The following MICAL3 variants were observed in gnomAD, a reference collection of about 807,000 sequenced individuals.
MICAL3 encodes the protein microtubule associated monooxygenase, calponin and LIM domain containing 3.
Under a neutral mutation model 207.4 loss-of-function variants are expected in MICAL3, and 62 were observed. The ratio of observed to expected loss-of-function variants is 0.30; its 90% CI spans 0.24 to 0.37. The LOEUF (loss-of-function observed/expected upper bound fraction) is 0.37. MICAL3 is among the 10% of genes least tolerant of loss of function. The probability of loss-of-function intolerance (pLI) is 1.00; values close to 1 mark genes in which losing one functional copy is unlikely to be tolerated. For synonymous variants in MICAL3, 1,077 were observed against 1,069.3 expected (o/e 1.01, Z -0.14); for missense variants, 2,368 against 2,635.6 (o/e 0.90, Z 2.22).
At chr22:17,826,882 A>AG (rs35494230) in intron 22 of MICAL3, among the ~76,000 whole-genome samples, 44,033 of 151,856 alleles carry the variant, frequency 0.29, 6,740 homozygotes, top group Non-Finnish European at 0.34. Flanking sequence ...ACGTCTTATT[A>AG]ATGCTGTTTT....
rs543884452 is a variant in MICAL3 at position 17,914,350 on chromosome 22, G to C, written c.-74-7464C>G. On this transcript the variant is annotated intron_variant, in intron 1 of 31. Transcript: ENST00000441493. ...TTAAACAAGACAGATAGAAGATACT[G>C]AGTCGTTACTACTCGGTGCCACATC... Among the ~76,000 whole-genome samples the C allele has an allele frequency of 3.9e-5, 6 of 152,274 alleles. No homozygotes were observed. The South Asian group carries it at 1.0e-3, about 26-fold the overall frequency.
At chr22:17,889,828 T>C (rs913847502) in intron 12 of MICAL3, among the ~76,000 whole-genome samples, 3 of 152,094 alleles carry the variant, frequency 2.0e-5, no homozygotes, top group Non-Finnish European at 4.4e-5. Context: ...TAAAAAATAA[T>C]AGGAACTATC....
At chr22:17,918,568 A>G (rs1284197333) in intron 1 of MICAL3, among the ~76,000 whole-genome samples, 1 of 152,044 alleles carries the variant, frequency 6.6e-6, no homozygotes, top group Non-Finnish European at 1.5e-5. Context: ...TGGGCAAACG[A>G]GGGTGGGAAA....
intron 1 of MICAL3, among the ~76,000 whole-genome samples, chr22:17,944,715 C>A (rs1055519717): frequency 1.3e-5 from 2 of 152,144 alleles, no homozygotes; most frequent in Non-Finnish European, 2.9e-5. Flanking sequence ...CAGGGGAAAG[C>A]AGGTGGGAGA....
chr22:17,866,723 C>T (rs928751813), intron 17 of MICAL3, among the ~76,000 whole-genome samples: 58 of 152,032 alleles, frequency 3.8e-4, no homozygotes, highest in African/African-American at 1.3e-3. Flanking sequence ...GAGAATAAAA[C>T]GTTATTTCTT....
At chr22:18,006,799 CT>C (rs1304358252) in intron 1 of MICAL3, among the ~76,000 whole-genome samples, 1 of 152,202 alleles carries the variant, frequency 6.6e-6, no homozygotes, top group African/African-American at 2.4e-5. Flanking sequence ...TGCCATTGCA[CT>C]CCAGCGTGGG....
In MICAL3 at chr22:17,887,416, G is replaced by A. The variant is rs115325382; in HGVS notation, c.1911C>T (p.Ala637=). 1.9e-3 allele frequency: 3,046 copies of A among 1,613,376 alleles called. 51 individuals carry two copies. The African/African-American group carries it at 0.035, about 19-fold the overall frequency. The change falls in exon 14 of 32, where the codon GCC becomes GCT. Residue 637 remains alanine, a synonymous_variant. Transcript: ENST00000441493. ...LPSSDTLDLN[A]EEKAVLIAST... is the part of the protein sequence containing the mutation. Reference sequence around the variant, plus strand: ...TGGCTATCAGGACTGCTTTCTCCTCGGCATTTAGGTCCAAGGTGTCTGGGA... The same window carrying A: ...TGGCTATCAGGACTGCTTTCTCCTCAGCATTTAGGTCCAAGGTGTCTGGGA...
chr22:17,791,049 C>A lies in MICAL3; in HGVS notation c.5773G>T (p.Asp1925Tyr). 2 of 1,612,076 alleles carry A rather than the reference C, an allele frequency of 1.2e-6. No individual in the cohort carries two copies. The highest frequency in any genetic ancestry group is 1.7e-6 in the Non-Finnish European group (2 of 1,179,784). The change falls in exon 31 of 32, where the codon GAC becomes TAC. Residue 1925 changes from aspartate to tyrosine, a missense_variant. This residue lies in a region of MICAL3 where 1,770 missense variants were observed against 1,863.2 expected (regional missense o/e 0.95). Coordinates refer to ENST00000441493, the MANE Select transcript of MICAL3 (RefSeq NM_015241.3). The stretch of plus-strand genomic sequence containing the variant: ...TCCTGCTGCAGTCGACTCTGCCGGT[C>A]TTCCAGCTCCAGCTCCCGGGCACTG... ...MIFARELELE[D>Y]RQSRLQQELR...
At chr22:17,934,302 C>T (rs1316670660) in intron 1 of MICAL3, among the ~76,000 whole-genome samples, 3 of 152,196 alleles carry the variant, frequency 2.0e-5, no homozygotes, top group African/African-American at 4.8e-5. Context: ...GCTGGTTCAA[C>T]ATATGCAAAT....
At chr22:17,970,786 A>G (rs894083135) in intron 1 of MICAL3, among the ~76,000 whole-genome samples, 2 of 144,452 alleles carry the variant, frequency 1.4e-5, no homozygotes, top group Non-Finnish European at 3.1e-5. Context: ...AAATTTTTTT[A>G]TCTGTTACGT....
chr22:17,852,873 A>G (rs1925484266), intron 19 of MICAL3, among the ~76,000 whole-genome samples: 1 of 152,192 alleles, frequency 6.6e-6, no homozygotes, highest in Non-Finnish European at 1.5e-5. Context: ...TCAGGAGTTC[A>G]AGACCAGCCT....
At chr22:17,889,590 G>C (rs1034773179) in intron 12 of MICAL3, among the ~76,000 whole-genome samples, 6 of 152,142 alleles carry the variant, frequency 3.9e-5, no homozygotes, top group African/African-American at 1.4e-4. Context: ...ACTTTGGAAG[G>C]GTGAGGCAGG....
At chr22:17,823,313 TG>T (rs1921847728) in intron 22 of MICAL3, among the ~76,000 whole-genome samples, 1 of 152,002 alleles carries the variant, frequency 6.6e-6, no homozygotes. Flanking sequence ...CGGCTGAAGG[TG>T]GGGGCATTGT....
chr22:17,808,222 C>A (rs372143245), intron 29 of MICAL3, among the ~76,000 whole-genome samples: 2 of 152,246 alleles, frequency 1.3e-5, no homozygotes, highest in Non-Finnish European at 2.9e-5. Context: ...GCAGCAGTCA[C>A]GAGCACAGGG....
At chr22:17,971,882 C>T (rs1487214376) in intron 1 of MICAL3, among the ~76,000 whole-genome samples, 1 of 152,182 alleles carries the variant, frequency 6.6e-6, no homozygotes, top group Admixed American at 6.5e-5. Flanking sequence ...AGCACACGTG[C>T]ACCGGCACAG....
chr22:17,846,274 G>A (rs191631062), intron 19 of MICAL3, among the ~76,000 whole-genome samples: 1 of 152,282 alleles, frequency 6.6e-6, no homozygotes, highest in African/African-American at 2.4e-5. Context: ...CCATTGCCGG[G>A]GGTTCAGTGT....
chr22:17,985,372 C>T (rs1001187595), intron 1 of MICAL3, among the ~76,000 whole-genome samples: 1 of 152,092 alleles, frequency 6.6e-6, no homozygotes, highest in Non-Finnish European at 1.5e-5. Flanking sequence ...GAGCCCGTAA[C>T]CTCTACTCCC....
rs1227020290 is a variant in MICAL3, at chr22:17,896,844, C to T, written c.1086G>A (p.Gly362=). The T allele has an allele frequency of 1.2e-6, 2 of 1,614,144 alleles. No individual in the cohort carries two copies. Among genetic ancestry groups the T allele is most frequent in the Non-Finnish European group, 1.7e-6 (2 of 1,180,032 alleles). The part of the protein sequence containing the change: ...PSLDFAINHY[G]QPDVAMFDFT... ...AGTCAAACATGGCCACATCGGGCTG[C>T]CCATAGTGATTGATGGCAAAATCCA... Residue 362 remains glycine (G), a synonymous_variant, in exon 8 of 32, where the codon GGG becomes GGA. Coordinates refer to ENST00000441493, the MANE Select transcript of MICAL3 (RefSeq NM_015241.3).
At chr22:17,804,471 C>A (rs999014604) in intron 29 of MICAL3, among the ~76,000 whole-genome samples, 2 of 152,218 alleles carry the variant, frequency 1.3e-5, no homozygotes, top group Admixed American at 6.5e-5. Context: ...CAAATTCAGT[C>A]GGCCTTCTTA....
Sources: allele counts gnomAD v4.1 joint callset (sites outside exome capture counted in the v4.1 genomes callset), GRCh38; gene constraint gnomAD v4.1.1; regional missense constraint gnomAD v4.1.1; transcripts MANE v1.5; gene names NCBI Gene and HGNC (gene_info 2026-07-23, HGNC 2026-07-21).